CACNA2D2: variants seen among roughly 807,000 people sequenced by gnomAD.
CACNA2D2 encodes the protein voltage-dependent calcium channel subunit alpha-2/delta-2.
CACNA2D2 carries 48 observed loss-of-function variants against 166.4 expected under a neutral mutation model. The observed-to-expected ratio is 0.29, with a 90% CI of 0.23 to 0.37. The LOEUF is 0.37. Ranked by LOEUF, CACNA2D2 falls within the 10% of genes least tolerant of loss-of-function variation. CACNA2D2 has a pLI of 1.00. For synonymous variants in CACNA2D2, 561 were observed against 573.7 expected, an observed-to-expected ratio of 0.98 and a Z score of 0.32; for missense variants, 1,122 against 1,433.0, an observed-to-expected ratio of 0.78 and a Z score of 3.50.
intron 3 of CACNA2D2, among the ~76,000 whole-genome samples, chr3:50,433,838 A>G (rs1396974209): frequency 1.3e-5 from 2 of 152,172 alleles, no homozygotes; most frequent in African/African-American, 4.8e-5. Context: ...CCATGGGCAG[A>G]GCAGCCCCCA....
chr3:50,386,566 C>T (rs1441826956), intron 5 of CACNA2D2, among the ~76,000 whole-genome samples: 2 of 152,220 alleles, frequency 1.3e-5, no homozygotes, highest in African/African-American at 2.4e-5. Flanking sequence ...CTTGAGCCCA[C>T]CCCGCTCCGT....
At chr3:50,501,989 G>C (rs1322411369) in intron 1 of CACNA2D2, among the ~76,000 whole-genome samples, 1 of 152,182 alleles carries the variant, frequency 6.6e-6, no homozygotes, top group African/African-American at 2.4e-5. Flanking sequence ...GCTGTGCAAT[G>C]AGAGAGACGA....
At chr3:50,377,407 C>A in intron 17 of CACNA2D2, 60 bp downstream of exon 17, 1 of 1,408,750 alleles carries the variant, frequency 7.1e-7, no homozygotes. Flanking sequence ...GTCTTCTCTG[C>A]TGAGCCTGCC....
chr3:50,485,050 C>T (rs1001313480), intron 1 of CACNA2D2, among the ~76,000 whole-genome samples: 5 of 152,214 alleles, frequency 3.3e-5, no homozygotes, highest in African/African-American at 1.2e-4. Flanking sequence ...AGGCCTGTGG[C>T]TTCCGTGCAT....
At chr3:50,437,801 G>C (rs1708416119) in intron 2 of CACNA2D2, among the ~76,000 whole-genome samples, 1 of 152,126 alleles carries the variant, frequency 6.6e-6, no homozygotes, top group Non-Finnish European at 1.5e-5. Flanking sequence ...TCTAGCCCTG[G>C]CTCCTAGGGC....
intron 2 of CACNA2D2, among the ~76,000 whole-genome samples, chr3:50,471,409 C>T (rs1005671013): frequency 3.3e-5 from 5 of 152,186 alleles, no homozygotes; most frequent in African/African-American, 1.2e-4. Context: ...TCTTGTGCTC[C>T]TCTTGCCTGG....
intron 2 of CACNA2D2, among the ~76,000 whole-genome samples, chr3:50,438,284 C>G (rs543614283): frequency 6.6e-6 from 1 of 152,272 alleles, no homozygotes; most frequent in South Asian, 2.1e-4. Flanking sequence ...GAGGGCACTC[C>G]TATCCCACCA....
intron 22 of CACNA2D2, among the ~76,000 whole-genome samples, chr3:50,373,333 G>A (rs1020365289): frequency 1.3e-5 from 2 of 150,756 alleles, no homozygotes; most frequent in Non-Finnish European, 3.0e-5. Flanking sequence ...GGTGGGGGGC[G>A]CCCGGTGGGG....
rs761572844 is a variant in CACNA2D2 at position 50,380,796 on chromosome 3, C to T, written c.794G>A (p.Trp265Ter). 6.5e-7 allele frequency: 1 copy of T among 1,544,784 alleles called. No homozygotes were observed. The highest frequency in any genetic ancestry group is 8.7e-7 in the Non-Finnish European group (1 of 1,146,088). ...GVTRYYPATP[W>*]RAPKKIDLYD... ...CAGGTCGATCTTCTTGGGGGCTCGCCACGGGGTGGCTGAGGGAGGAGAGAA... is the reference window on the plus strand; with the variant it reads ...CAGGTCGATCTTCTTGGGGGCTCGCTACGGGGTGGCTGAGGGAGGAGAGAA... Residue 265 changes from tryptophan to a stop codon, truncating the protein, a stop_gained, in exon 8 of 38, where the codon TGG becomes TAG. Transcript: ENST00000424201. LOFTEE classifies it high-confidence loss of function. The surrounding 1 kb of genome is among the most constrained non-coding windows in gnomAD (Gnocchi z 4.9).
chr3:50,419,466 T>C (rs1707440608), intron 3 of CACNA2D2, among the ~76,000 whole-genome samples: 1 of 152,174 alleles, frequency 6.6e-6, no homozygotes, highest in Non-Finnish European at 1.5e-5. Context: ...GGTGACCCCG[T>C]TGGTGACCTT....
In CACNA2D2 at chr3:50,366,604, C is replaced by G. The variant is rs201759671; in HGVS notation, c.2611G>C (p.Glu871Gln). The G allele has an allele frequency of 8.1e-6, 13 of 1,613,898 alleles. No homozygotes were observed. The highest frequency in any genetic ancestry group is 1.1e-5 in the Non-Finnish European group (13 of 1,180,038). ...PQKCGPNSHC[E>Q]MDCEVNNEDL... ...TCATTGTTAACCTCGCAGTCCATCT[C>G]ACAGTGGCTGTTGGGGCCGCACTGC... Residue 871 changes from glutamate (E) to glutamine (Q), a missense_variant, in exon 30 of 38, where the codon GAG becomes CAG. This residue lies in a region of CACNA2D2 where 840 missense variants were observed against 1,166.8 expected (regional missense o/e 0.72). Transcript: ENST00000424201. This position sits in a 1 kb window ranked among gnomAD's most constrained non-coding sequence, Gnocchi z 5.9.
At chr3:50,425,512 T>A (rs898232158) in intron 3 of CACNA2D2, among the ~76,000 whole-genome samples, 6 of 152,210 alleles carry the variant, frequency 3.9e-5, no homozygotes, top group African/African-American at 1.4e-4. Flanking sequence ...GGGATCATCC[T>A]GGCCACCGGC....
rs118025967 is a variant in CACNA2D2 at position 50,382,913 on chromosome 3, C to T, written c.652+1283G>A. On this transcript the variant is annotated intron_variant, in intron 6 of 37. Coordinates refer to ENST00000424201, the MANE Select transcript of CACNA2D2 (RefSeq NM_006030.4). ...GCTTACCCATACACGGCAAGGCACA[C>T]TCGCGCAAACACCCCTGCGCCCGCC... Among the ~76,000 whole-genome samples, 11 of 152,346 alleles carry T rather than the reference C, an allele frequency of 7.2e-5. No individual in the cohort carries two copies. In the East Asian group the frequency reaches 2.1e-3, roughly 29 times the overall value.
rs751295660 is a variant in CACNA2D2, at chr3:50,379,497, T to C, written c.1087A>G (p.Met363Val). 1.2e-6 allele frequency: 2 copies of C among 1,613,998 alleles called. No individual in the cohort carries two copies. Among genetic ancestry groups the C allele is most frequent in the African/African-American group, 1.3e-5 (1 of 75,074 alleles). The change falls in exon 11 of 38, where the codon ATG becomes GTG. Residue 363 changes from methionine (M) to valine (V), a missense_variant. Around this residue, in one of 2 missense-constraint regions of CACNA2D2, gnomAD observed 840 missense variants for 1,166.8 expected, o/e 0.72. Transcript: ENST00000424201. The surrounding 1 kb of genome is among the most constrained non-coding windows in gnomAD (Gnocchi z 6.5). Reference sequence around the variant, plus strand: ...TAGCCTGTGGTGCCCTTGGCCACCATGCCCTGCACAGCTTCCTTGAACACC... The same window carrying C: ...TAGCCTGTGGTGCCCTTGGCCACCACGCCCTGCACAGCTTCCTTGAACACC... ...KKVFKEAVQGMVAKGTTGYKA... is the reference protein window; with the variant it reads ...KKVFKEAVQGVVAKGTTGYKA...
intron 2 of CACNA2D2, among the ~76,000 whole-genome samples, chr3:50,447,907 T>G (rs1708924089): frequency 2.0e-5 from 3 of 152,118 alleles, no homozygotes; most frequent in South Asian, 2.1e-4. Flanking sequence ...CTCTTCTAAG[T>G]GCCCCACAGA....
intron 3 of CACNA2D2, among the ~76,000 whole-genome samples, chr3:50,404,980 C>G (rs902566031): frequency 6.6e-6 from 1 of 152,194 alleles, no homozygotes; most frequent in Non-Finnish European, 1.5e-5. Flanking sequence ...CCAGCTAGAA[C>G]AAGAGAGCCT....
In CACNA2D2 at chr3:50,366,228, ATCCCTACTCTCT is replaced by A; in HGVS notation, c.2709+27_2709+38del. The A allele has an allele frequency of 1.2e-6, 2 of 1,613,978 alleles. No individual in the cohort carries two copies. Among genetic ancestry groups the A allele is most frequent in the Non-Finnish European group, 1.7e-6 (2 of 1,179,900 alleles). ...AGTGCTACACCCCTAGAAGGCTCAAATCCCTACTCTCTTCTTTCACTCTCTTCCTGATCCTCA... is the reference window on the plus strand; with the variant it reads ...AGTGCTACACCCCTAGAAGGCTCAAATCTTTCACTCTCTTCCTGATCCTCA... On this transcript the variant is annotated intron_variant, in intron 31 of 37. Coordinates refer to ENST00000424201, the MANE Select transcript of CACNA2D2 (RefSeq NM_006030.4). The surrounding 1 kb of genome is among the most constrained non-coding windows in gnomAD (Gnocchi z 5.9).
chr3:50,441,298 T>C (rs1708588842), intron 2 of CACNA2D2, among the ~76,000 whole-genome samples: 1 of 148,346 alleles, frequency 6.7e-6, no homozygotes. Context: ...AACGCCTCCC[T>C]GTTTTTAAAG....
At chr3:50,454,167 C>T (rs1348322543) in intron 2 of CACNA2D2, among the ~76,000 whole-genome samples, 1 of 152,236 alleles carries the variant, frequency 6.6e-6, no homozygotes, top group African/African-American at 2.4e-5. Flanking sequence ...CCAGAGCTGC[C>T]CCTCAGCCAG....
Sources: allele counts gnomAD v4.1 joint callset (sites outside exome capture counted in the v4.1 genomes callset), GRCh38; gene constraint gnomAD v4.1.1; regional missense constraint gnomAD v4.1.1; non-coding constraint Gnocchi (gnomAD v3.1); transcripts MANE v1.5; gene names NCBI Gene and HGNC (gene_info 2026-07-23, HGNC 2026-07-21).